PLA2G4A: variants seen among roughly 807,000 people sequenced by gnomAD.
PLA2G4A encodes cytosolic phospholipase A2.
PLA2G4A carries 40 observed loss-of-function variants against 81.9 expected under a neutral mutation model. The ratio of observed to expected loss-of-function variants is 0.49; its 90% CI spans 0.38 to 0.64. The LOEUF (loss-of-function observed/expected upper bound fraction) is 0.64. PLA2G4A is among the 30% of genes least tolerant of loss of function. PLA2G4A has a pLI of 0.00. For missense variants in PLA2G4A, 715 were observed against 905.1 expected (o/e 0.79, Z 2.69); for synonymous variants, 302 against 296.9 (o/e 1.02, Z -0.18).
rs367829430 is a variant in PLA2G4A at position 186,956,164 on chromosome 1, C to A, written c.1399C>A (p.Arg467Ser). ...QSDNQASWIH[R>S]MIMALVSDSA... Reference sequence around the variant, plus strand: ...TGATAATCAAGCAAGTTGGATTCATCGTATGATAATGGCCTTGGTGAGTGA... The same window carrying A: ...TGATAATCAAGCAAGTTGGATTCATAGTATGATAATGGCCTTGGTGAGTGA... The change falls in exon 14 of 18, where the codon CGT becomes AGT. Residue 467 changes from arginine (R) to serine (S), a missense_variant. By Grantham distance (110) the Arg-to-Ser change is moderately radical. Transcript: ENST00000367466. The A allele has an allele frequency of 5.6e-6, 9 of 1,612,610 alleles. No individual in the cohort carries two copies. The highest frequency in any genetic ancestry group is 1.3e-5 in the African/African-American group (1 of 74,896).
At chr1:186,856,605 T>G (rs905087200) in intron 2 of PLA2G4A, among the ~76,000 whole-genome samples, 7 of 152,074 alleles carry the variant, frequency 4.6e-5, no homozygotes, top group African/African-American at 1.4e-4. Flanking sequence ...TTGGCCAGGC[T>G]GGTATTGAAC....
chr1:186,957,508 G>A (rs923510410), intron 14 of PLA2G4A, among the ~76,000 whole-genome samples: 5 of 152,196 alleles, frequency 3.3e-5, no homozygotes, highest in Non-Finnish European at 7.3e-5. Context: ...GTGACTGACT[G>A]TTTCTCTTTG....
chr1:186,971,772 A>G (rs1280005516), intron 15 of PLA2G4A, among the ~76,000 whole-genome samples: 1 of 152,040 alleles, frequency 6.6e-6, no homozygotes, highest in Non-Finnish European at 1.5e-5. Flanking sequence ...TTTGTTTTAT[A>G]TATAACATAA....
chr1:186,982,641 C>T (rs1657758188), intron 17 of PLA2G4A, among the ~76,000 whole-genome samples: 1 of 151,498 alleles, frequency 6.6e-6, no homozygotes, highest in Admixed American at 6.6e-5. Flanking sequence ...ATTATATGAA[C>T]ATTGAGACTC....
intron 17 of PLA2G4A, among the ~76,000 whole-genome samples, chr1:186,986,223 T>G (rs1209360586): frequency 6.6e-6 from 1 of 152,224 alleles, no homozygotes; most frequent in Non-Finnish European, 1.5e-5. Context: ...TTCCTGATGT[T>G]GATATTGCTG....
chr1:186,979,201 G>A (rs1657634976), intron 16 of PLA2G4A, 114 bp from the exon 17 acceptor site: 2 of 770,122 alleles, frequency 2.6e-6, no homozygotes, highest in Non-Finnish European at 4.7e-6. Flanking sequence ...CAGAGTACCT[G>A]GCTCTGTGGG....
intron 1 of PLA2G4A, among the ~76,000 whole-genome samples, chr1:186,853,507 T>C (rs1027366239): frequency 7.2e-5 from 11 of 151,936 alleles, no homozygotes; most frequent in Admixed American, 6.6e-4. Flanking sequence ...AAAAACATTT[T>C]AGAATTTACA....
At chr1:186,884,394 G>T (rs964147652) in intron 3 of PLA2G4A, among the ~76,000 whole-genome samples, 1 of 151,366 alleles carries the variant, frequency 6.6e-6, no homozygotes, top group Non-Finnish European at 1.5e-5. Flanking sequence ...GGGAAGGATA[G>T]GGATGATTAT....
chr1:186,911,469 A>G (rs1654940194), intron 7 of PLA2G4A, 80 bp downstream of exon 7: 3 of 1,001,446 alleles, frequency 3.0e-6, no homozygotes, highest in Non-Finnish European at 3.2e-6. Flanking sequence ...TTTTACCCAA[A>G]TATGGCAATA....
intron 3 of PLA2G4A, among the ~76,000 whole-genome samples, chr1:186,890,124 G>A (rs1236122159): frequency 6.6e-6 from 1 of 152,200 alleles, no homozygotes; most frequent in Non-Finnish European, 1.5e-5. Context: ...TCATTACTTA[G>A]TTATTTGTTG....
intron 3 of PLA2G4A, among the ~76,000 whole-genome samples, chr1:186,874,544 T>G (rs1350733767): frequency 6.6e-6 from 1 of 152,112 alleles, no homozygotes; most frequent in East Asian, 1.9e-4. Context: ...AGAACTATCC[T>G]AATTATGGAT....
chr1:186,874,984 C>CACTCTTT (rs1653414000), intron 3 of PLA2G4A, among the ~76,000 whole-genome samples: 1 of 152,048 alleles, frequency 6.6e-6, no homozygotes, highest in Admixed American at 6.6e-5. Flanking sequence ...CCTAATCTTC[C>CACTCTTT]ACAAACAGTG....
chr1:186,861,949 A>C (rs1652817483), intron 2 of PLA2G4A, among the ~76,000 whole-genome samples: 1 of 150,332 alleles, frequency 6.7e-6, no homozygotes, highest in South Asian at 2.1e-4. Context: ...TATTTAGTGT[A>C]TAATATTAAG....
rs574263524 is a variant in PLA2G4A, at chr1:186,924,117, C to T, written c.559-8646C>T. On this transcript the variant is annotated intron_variant, in intron 7 of 17. Transcript: ENST00000367466. ...CCAATATATCTATTATTCAGATTTT[C>T]CCAGATCACTCTCAACCTGTATTGT... Among the ~76,000 whole-genome samples the T allele has an allele frequency of 9.8e-5, 15 of 152,288 alleles. No homozygotes were observed. In the South Asian group the frequency reaches 3.1e-3, roughly 32 times the overall value.
chr1:186,919,776 A>C (rs60911766), intron 7 of PLA2G4A, among the ~76,000 whole-genome samples: 4,255 of 152,194 alleles, frequency 0.028, 211 homozygotes, highest in African/African-American at 0.098. Context: ...CAGCCCTAAC[A>C]ATGTGTAAGG....
At position 186,939,111 on chromosome 1, in the gene PLA2G4A, C is replaced by T. The variant is rs1168387814; in HGVS notation, c.799C>T (p.Leu267Phe). ...KNVSHNPLLL[L>F]TPQKVKRYVE... is the part of the protein sequence containing the mutation. ...TGTTAGCCACAATCCCCTTTTACTT[C>T]TCACACCACAGAAAGTTAAAAGATA... Residue 267 changes from leucine to phenylalanine, a missense_variant, in exon 9 of 18, where the codon CTC becomes TTC. Coordinates refer to ENST00000367466, the MANE Select transcript of PLA2G4A (RefSeq NM_024420.3). The T allele has an allele frequency of 1.2e-6, 2 of 1,606,036 alleles. No individual in the cohort carries two copies. Among genetic ancestry groups the T allele is most frequent in the African/African-American group, 2.7e-5 (2 of 74,740 alleles).
At chr1:186,896,983 T>A (rs1654355662) in intron 5 of PLA2G4A, among the ~76,000 whole-genome samples, 1 of 152,070 alleles carries the variant, frequency 6.6e-6, no homozygotes, top group Admixed American at 6.6e-5. Flanking sequence ...TTCCTGATGA[T>A]CTTTCTACAG....
intron 2 of PLA2G4A, among the ~76,000 whole-genome samples, chr1:186,863,963 T>G (rs1171337829): frequency 6.6e-6 from 1 of 152,134 alleles, no homozygotes; most frequent in East Asian, 1.9e-4. Flanking sequence ...GGTTTCACCA[T>G]ATTGGCCGGG....
At chr1:186,839,934 A>C (rs1477995405) in intron 1 of PLA2G4A, among the ~76,000 whole-genome samples, 2 of 140,632 alleles carry the variant, frequency 1.4e-5, no homozygotes, top group East Asian at 4.2e-4. Context: ...GCAGACTGTC[A>C]TGGCTACATG....
Sources: gnomAD v4.1 joint callset for allele counts (sites outside exome capture counted in the v4.1 genomes callset) on GRCh38, gnomAD v4.1.1 for gene constraint, MANE v1.5 for transcripts, NCBI Gene and HGNC (gene_info 2026-07-23, HGNC 2026-07-21) for gene names.